Variants in VMP1 observed in about 807,000 individuals in gnomAD.
VMP1 encodes the protein vacuole membrane protein 1, also known as ectopic P-granules autophagy protein 3 homolog.
Under a neutral mutation model 56.0 loss-of-function variants are expected in VMP1, and 11 were observed. That is an observed-to-expected ratio of 0.20 (90% CI 0.12 to 0.32). VMP1 has a LOEUF of 0.32. VMP1 is among the 10% of genes least tolerant of loss of function. The probability of loss-of-function intolerance (pLI) is 1.00; values close to 1 mark genes in which losing one functional copy is unlikely to be tolerated. For synonymous variants in VMP1, 149 were observed against 165.0 expected, an observed-to-expected ratio of 0.90 and a Z score of 0.74; for missense variants, 296 against 490.3, an observed-to-expected ratio of 0.60 and a Z score of 3.74.
At chr17:59,811,893 G>T in intron 9 of VMP1, 107 bp downstream of exon 9, 2 of 813,850 alleles carry the variant, frequency 2.5e-6, no homozygotes, top group Non-Finnish European at 4.0e-6. Context: ...CTGCTTTTTT[G>T]GTTGGTAGCT....
intron 5 of VMP1, among the ~76,000 whole-genome samples, chr17:59,760,122 C>CA (rs11291457): frequency 1.6e-4 from 22 of 135,064 alleles, no homozygotes; most frequent in Admixed American, 3.0e-4. Context: ...GACCCTTTCT[C>CA]AAAAAAAAAA....
intron 10 of VMP1, among the ~76,000 whole-genome samples, chr17:59,832,995 C>T (rs1598462859): frequency 1.3e-5 from 2 of 152,164 alleles, no homozygotes; most frequent in East Asian, 3.9e-4. Context: ...AGATTAGCAT[C>T]TTTAGCAAGG....
chr17:59,779,617 TG>T (rs1434148998), intron 7 of VMP1, among the ~76,000 whole-genome samples: 1 of 152,244 alleles, frequency 6.6e-6, no homozygotes, highest in Non-Finnish European at 1.5e-5. Flanking sequence ...TTCTATGTTT[TG>T]GGGTTATTTT....
chr17:59,838,386 G>T lies in VMP1; in HGVS notation c.1066G>T (p.Gly356Cys). 6.2e-7 allele frequency: 1 copy of T among 1,614,038 alleles called. No individual in the cohort carries two copies. Residue 356 changes from glycine to cysteine, a missense_variant, in exon 11 of 12, where the codon GGC becomes TGC. By Grantham distance (159) the Gly-to-Cys change is radical. Transcript: ENST00000262291. The stretch of plus-strand genomic sequence containing the variant: ...GAAGCTTCACCACAAAAGCGAAATG[G>T]GCACACCACAGGTAAGACTTTAATC... ...RQKLHHKSEM[G>C]TPQGENWLSW... is the part of the protein sequence containing the mutation.
intron 10 of VMP1, among the ~76,000 whole-genome samples, chr17:59,831,800 A>AT (rs1280173809): frequency 2.2e-3 from 5 of 2,262 alleles, no homozygotes; most frequent in African/African-American, 0.01. Flanking sequence ...TGCATTCCTG[A>AT]GTTTTTTTTT....
chr17:59,720,886 T>A (rs1160213624), intron 1 of VMP1, among the ~76,000 whole-genome samples: 1 of 151,714 alleles, frequency 6.6e-6, no homozygotes, highest in Non-Finnish European at 1.5e-5. Flanking sequence ...GACAGGAGAA[T>A]CGCTTGAACC....
chr17:59,766,942 G>T (rs919714409), intron 6 of VMP1, among the ~76,000 whole-genome samples: 4 of 152,008 alleles, frequency 2.6e-5, no homozygotes, highest in Admixed American at 2.6e-4. Flanking sequence ...ACCACGCTCG[G>T]CTGATTTTTT....
chr17:59,831,451 T>C (rs1335338553), intron 10 of VMP1, among the ~76,000 whole-genome samples: 1 of 152,158 alleles, frequency 6.6e-6, no homozygotes, highest in Non-Finnish European at 1.5e-5. Flanking sequence ...ATTACAAGCA[T>C]GACCCATCAC....
intron 5 of VMP1, among the ~76,000 whole-genome samples, chr17:59,741,990 A>G (rs2035244381): frequency 6.6e-6 from 1 of 152,154 alleles, no homozygotes. Flanking sequence ...GTAGATTTTG[A>G]TGCCATTAAC....
At chr17:59,722,287 T>C (rs528680015) in intron 1 of VMP1, among the ~76,000 whole-genome samples, 1 of 152,290 alleles carries the variant, frequency 6.6e-6, no homozygotes, top group East Asian at 1.9e-4. Context: ...GATGGTAAGA[T>C]GATCAAAGCC....
At chr17:59,783,096 T>A (rs2036884631) in intron 7 of VMP1, among the ~76,000 whole-genome samples, 1 of 152,094 alleles carries the variant, frequency 6.6e-6, no homozygotes, top group East Asian at 1.9e-4. Flanking sequence ...CTCCGGAGGC[T>A]GAGGCAGGAG....
chr17:59,804,504 A>G (rs1197023937), intron 7 of VMP1, among the ~76,000 whole-genome samples: 1 of 151,140 alleles, frequency 6.6e-6, no homozygotes, highest in Non-Finnish European at 1.5e-5. Flanking sequence ...AGTCCCAGCT[A>G]CTCAGGAGGC....
chr17:59,718,969 A>G (rs950019560), intron 1 of VMP1, among the ~76,000 whole-genome samples: 3 of 152,156 alleles, frequency 2.0e-5, no homozygotes, highest in African/African-American at 7.2e-5. Flanking sequence ...ACAGATAGAC[A>G]TATCAGATGA....
At chr17:59,773,906 A>G (rs1455451043) in intron 7 of VMP1, 21 bp downstream of exon 7, 1 of 1,582,210 alleles carries the variant, frequency 6.3e-7, no homozygotes, top group Non-Finnish European at 8.6e-7. Flanking sequence ...TGGGGATAGA[A>G]AATAGAACAC....
At chr17:59,781,177 G>A (rs1156338695) in intron 7 of VMP1, among the ~76,000 whole-genome samples, 3 of 152,110 alleles carry the variant, frequency 2.0e-5, no homozygotes, top group Admixed American at 1.3e-4. Context: ...TCTTGCTATG[G>A]CTTGGCAAAG....
intron 9 of VMP1, among the ~76,000 whole-genome samples, chr17:59,813,445 C>T (rs1274016754): frequency 2.0e-5 from 3 of 151,846 alleles, no homozygotes; most frequent in South Asian, 4.2e-4. Flanking sequence ...AGCGTGGTGG[C>T]GCATGCCTGT....
chr17:59,832,624 C>T (rs993953533), intron 10 of VMP1, among the ~76,000 whole-genome samples: 6 of 145,916 alleles, frequency 4.1e-5, no homozygotes, highest in East Asian at 2.0e-4. Context: ...GACAGAGTCT[C>T]GCTCTGTCGC....
intron 7 of VMP1, among the ~76,000 whole-genome samples, chr17:59,792,182 CAGG>C (rs1313077069): frequency 2.0e-5 from 3 of 152,098 alleles, no homozygotes; most frequent in East Asian, 3.9e-4. Context: ...AAGGCTGAGG[CAGG>C]AGGATTGCTT....
chr17:59,717,449 C>T (rs754126580), intron 1 of VMP1, among the ~76,000 whole-genome samples: 1 of 152,024 alleles, frequency 6.6e-6, no homozygotes, highest in Non-Finnish European at 1.5e-5. Flanking sequence ...GTGGCACTGT[C>T]TAGGCCCACT....
Sources: allele counts gnomAD v4.1 joint callset (sites outside exome capture counted in the v4.1 genomes callset), GRCh38; gene constraint gnomAD v4.1.1; transcripts MANE v1.5; gene names NCBI Gene and HGNC (gene_info 2026-07-23, HGNC 2026-07-21).